The following SOCS2 variants were observed in gnomAD, a reference collection of about 807,000 sequenced individuals.
SOCS2 encodes suppressor of cytokine signaling 2, also known as CIS-2.
Under a neutral mutation model 18.6 loss-of-function variants are expected in SOCS2, and 10 were observed. The observed-to-expected ratio is 0.54, with a 90% CI of 0.33 to 0.91. The LOEUF (loss-of-function observed/expected upper bound fraction) is 0.91, where lower values mean the gene tolerates loss of function less well. Among genes scored for constraint, SOCS2 ranks in the 40% least tolerant of loss-of-function variants. The probability of loss-of-function intolerance (pLI) is 0.02; values close to 1 mark genes in which losing one functional copy is unlikely to be tolerated. For synonymous variants in SOCS2, 104 were observed against 104.0 expected, an observed-to-expected ratio of 1.00 and a Z score of 0.00; for missense variants, 231 against 247.2, an observed-to-expected ratio of 0.93 and a Z score of 0.44.
the SOCS2 span, among the ~76,000 whole-genome samples, chr12:93,614,897 A>G: frequency 1.3e-5 from 2 of 151,154 alleles, no homozygotes; most frequent in Non-Finnish European, 2.9e-5. Flanking sequence ...TACAGGCATG[A>G]GCCACAGCGC....
At chr12:93,601,811 T>A in the SOCS2 span, among the ~76,000 whole-genome samples, 26 of 152,236 alleles carry the variant, frequency 1.7e-4, no homozygotes, top group Non-Finnish European at 3.4e-4. Context: ...AATATCTTGA[T>A]GCATTATACA....
the SOCS2 span, among the ~76,000 whole-genome samples, chr12:93,591,248 A>C: frequency 6.6e-6 from 1 of 151,818 alleles, no homozygotes; most frequent in Non-Finnish European, 1.5e-5. Flanking sequence ...TTTTAAAAAA[A>C]AAACAAACGA....
chr12:93,590,716 A>C, the SOCS2 span, among the ~76,000 whole-genome samples: 6 of 140,752 alleles, frequency 4.3e-5, no homozygotes, highest in African/African-American at 1.6e-4. Flanking sequence ...AATCGCTTGA[A>C]CCCAGCAGGC....
chr12:93,574,589 G>T, intron 1 of SOCS2, 133 bp from the exon 2 acceptor site: 1 of 569,690 alleles, frequency 1.8e-6, no homozygotes, highest in Non-Finnish European at 2.8e-6. Context: ...GTAAACTTTC[G>T]CTCACACACC....
chr12:93,623,333 C>T, the SOCS2 span, among the ~76,000 whole-genome samples: 2 of 152,190 alleles, frequency 1.3e-5, no homozygotes, highest in Non-Finnish European at 2.9e-5. Context: ...CCTCCCTAGC[C>T]ATGTGGAACT....
chr12:93,599,303 A>C, the SOCS2 span, among the ~76,000 whole-genome samples: 5 of 150,746 alleles, frequency 3.3e-5, no homozygotes, highest in Non-Finnish European at 2.9e-5. Flanking sequence ...ACAGGCATGC[A>C]CCACCACTCC....
chr12:93,599,270 C>CA, the SOCS2 span, among the ~76,000 whole-genome samples: 1 of 151,632 alleles, frequency 6.6e-6, no homozygotes, highest in Non-Finnish European at 1.5e-5. Context: ...CCTCCTGCCC[C>CA]AGCCTCCCAA....
chr12:93,619,159 C>T, the SOCS2 span, among the ~76,000 whole-genome samples: 4 of 152,276 alleles, frequency 2.6e-5, no homozygotes, highest in Admixed American at 6.5e-5. Flanking sequence ...ATGGTAAGAG[C>T]GGAGGCTATG....
upstream of SOCS2, chr12:93,571,772 C>T: frequency 2.8e-6 from 1 of 352,078 alleles, no homozygotes. Context: ...CCAAATTAAA[C>T]GTTAACGGGG....
downstream of SOCS2, among the ~76,000 whole-genome samples, chr12:93,577,132 G>A (rs1954478003): frequency 6.6e-6 from 1 of 152,170 alleles, no homozygotes; most frequent in Non-Finnish European, 1.5e-5. Flanking sequence ...CAGTTACTGG[G>A]AGTGGGGAGG....
the SOCS2 span, among the ~76,000 whole-genome samples, chr12:93,614,530 T>A: frequency 3.2e-5 from 3 of 92,436 alleles, no homozygotes; most frequent in East Asian, 1.0e-3. Context: ...CTTCCTTCCT[T>A]CCTTCCTTCC....
the SOCS2 span, among the ~76,000 whole-genome samples, chr12:93,608,570 TCATATA>T: frequency 0.015 from 2,299 of 152,246 alleles, 69 homozygotes; most frequent in African/African-American, 0.052. Flanking sequence ...ATTACATAGT[TCATATA>T]CATATACTTC....
In SOCS2 at chr12:93,573,632, A is replaced by T. The variant is rs546876271; in HGVS notation, c.139+596A>T. ...TTCGCGCGGCACGCTGTCTCTAGGC[A>T]TCTGAAAAAAGAAAAAAGAAAAAAA... On this transcript the variant is annotated intron_variant, in intron 1 of 1. Coordinates refer to ENST00000551556, the MANE Select transcript of SOCS2 (RefSeq NM_001270471.2). 1.8e-5 allele frequency: 3 copies of T among 166,448 alleles called. No homozygotes were observed. In the East Asian group the frequency reaches 5.0e-4, roughly 28 times the overall value. 10.3% of individuals were successfully genotyped at this position (166,448 alleles called of 1,614,324 possible). A position where few individuals can be genotyped will look rare whatever the true frequency, so the allele number is the denominator to read the frequency against.
At chr12:93,621,829 A>G in the SOCS2 span, among the ~76,000 whole-genome samples, 2 of 152,170 alleles carry the variant, frequency 1.3e-5, no homozygotes, top group African/African-American at 4.8e-5. Flanking sequence ...TCTGTAACAT[A>G]GAGGTAGTAA....
chr12:93,597,037 T>C, the SOCS2 span, among the ~76,000 whole-genome samples: 2 of 152,222 alleles, frequency 1.3e-5, no homozygotes, highest in Non-Finnish European at 2.9e-5. Flanking sequence ...AAGGAAGTTG[T>C]GGAGATAGTA....
upstream of SOCS2, chr12:93,570,451 A>G (rs1287552368): frequency 6.6e-6 from 1 of 152,222 alleles, no homozygotes; most frequent in Non-Finnish European, 1.5e-5. Flanking sequence ...CGGGACGAGC[A>G]CGGCGTCCCC....
At chr12:93,585,061 C>A (rs1159977967), downstream of SOCS2, among the ~76,000 whole-genome samples, 2 of 152,164 alleles carry the variant, frequency 1.3e-5, no homozygotes, top group Non-Finnish European at 2.9e-5. Context: ...TCACGCCTGG[C>A]CATTCCTCCC....
At chr12:93,597,334 C>CCT in the SOCS2 span, among the ~76,000 whole-genome samples, 73 of 152,136 alleles carry the variant, frequency 4.8e-4, no homozygotes, top group African/African-American at 1.6e-3. Flanking sequence ...ATTTCAAATC[C>CCT]CTTTTTTTTT....
At chr12:93,597,498 T>C in the SOCS2 span, among the ~76,000 whole-genome samples, 1 of 152,140 alleles carries the variant, frequency 6.6e-6, no homozygotes, top group South Asian at 2.1e-4. Flanking sequence ...GTATTTTCAG[T>C]AGAGATGGGG....
Sources: allele counts gnomAD v4.1 joint callset (sites outside exome capture counted in the v4.1 genomes callset), GRCh38; gene constraint gnomAD v4.1.1; transcripts MANE v1.5; gene names NCBI Gene and HGNC (gene_info 2026-07-23, HGNC 2026-07-21).